STX8: variants seen among roughly 807,000 people sequenced by gnomAD.
STX8 encodes syntaxin-8.
STX8 carries 23 observed loss-of-function variants against 37.5 expected under a neutral mutation model. The ratio of observed to expected loss-of-function variants is 0.61; its 90% CI spans 0.44 to 0.87. The LOEUF (loss-of-function observed/expected upper bound fraction) is 0.87, where lower values mean the gene tolerates loss of function less well. STX8 is among the 40% of genes least tolerant of loss of function. The pLI, the probability that STX8 is intolerant of heterozygous loss-of-function variation, is 0.00. For synonymous variants in STX8, 115 were observed against 99.1 expected (o/e 1.16, Z -0.95); for missense variants, 313 against 284.7 (o/e 1.10, Z -0.71).
chr17:9,500,019 A>G (rs1000028286), intron 5 of STX8, among the ~76,000 whole-genome samples: 10 of 152,224 alleles, frequency 6.6e-5, no homozygotes, highest in Non-Finnish European at 1.2e-4. Context: ...TGCTCCATTC[A>G]GGAAATGTGA....
intron 7 of STX8, among the ~76,000 whole-genome samples, chr17:9,286,217 T>C (rs1283810005): frequency 1.3e-5 from 2 of 152,144 alleles, no homozygotes; most frequent in African/African-American, 2.4e-5. Flanking sequence ...AAATATTCGG[T>C]ATGAAAACGA....
intron 7 of STX8, among the ~76,000 whole-genome samples, chr17:9,262,339 C>T (rs1275433000): frequency 6.6e-6 from 1 of 152,086 alleles, no homozygotes; most frequent in African/African-American, 2.4e-5. Context: ...GTTCTCTTCT[C>T]CAGGGATTTT....
chr17:9,473,434 C>T (rs7211141), intron 6 of STX8, among the ~76,000 whole-genome samples: 106,552 of 151,916 alleles, frequency 0.7, 38,262 homozygotes, highest in Non-Finnish European at 0.77. Flanking sequence ...TCCAGGACCA[C>T]CCCTTCCATA....
In STX8 at chr17:9,250,787, G is replaced by A. The variant is rs986310567; in HGVS notation, c.644-142C>T. 7 of 838,166 alleles carry A rather than the reference G, an allele frequency of 8.4e-6. No individual in the cohort carries two copies. In the East Asian group the frequency reaches 1.8e-4, roughly 21 times the overall value. 51.9% of individuals were successfully genotyped at this position (838,166 alleles called of 1,614,324 possible). On this transcript the variant is annotated intron_variant, in intron 7 of 7. Coordinates refer to ENST00000306357, the MANE Select transcript of STX8 (RefSeq NM_004853.3). The stretch of plus-strand genomic sequence containing the variant: ...TACGAAGTGGAGAGAGGTGGTCGGT[G>A]GCCTGGGGCGCCGCTGCTGCTACAC...
chr17:9,501,628 A>T (rs7503784), intron 5 of STX8, among the ~76,000 whole-genome samples: 108,051 of 151,210 alleles, frequency 0.71, 38,816 homozygotes, highest in Middle Eastern at 0.86. Flanking sequence ...GAGACGGAGG[A>T]TGCAGTAAGC....
In STX8 at chr17:9,250,663, A is replaced by C; in HGVS notation, c.644-18T>G. On this transcript the variant is annotated intron_variant, in intron 7 of 7. Transcript: ENST00000306357. ...GATCATCCCTGGAAAAAAGCAGCAGAAAATACTACTTTTAATGATTCCTAC... is the reference window on the plus strand; with the variant it reads ...GATCATCCCTGGAAAAAAGCAGCAGCAAATACTACTTTTAATGATTCCTAC... 1.3e-6 allele frequency: 2 copies of C among 1,580,772 alleles called. No individual in the cohort carries two copies. The highest frequency in any genetic ancestry group is 1.7e-6 in the Non-Finnish European group (2 of 1,162,086).
At chr17:9,304,978 C>T (rs970929006) in intron 7 of STX8, among the ~76,000 whole-genome samples, 8 of 151,076 alleles carry the variant, frequency 5.3e-5, no homozygotes, top group East Asian at 3.9e-4. Context: ...TTTGGCTTAA[C>T]GACTTTTTCA....
chr17:9,496,792 A>G (rs1470307465), intron 5 of STX8, among the ~76,000 whole-genome samples: 1 of 152,180 alleles, frequency 6.6e-6, no homozygotes, highest in African/African-American at 2.4e-5. Context: ...GGTCAGAGAG[A>G]GATAACTTAC....
intron 6 of STX8, among the ~76,000 whole-genome samples, chr17:9,488,694 C>T (rs971470057): frequency 5.9e-5 from 9 of 152,148 alleles, no homozygotes; most frequent in Non-Finnish European, 1.3e-4. Context: ...TGAATTCTCC[C>T]CTACATCCTC....
At chr17:9,414,647 C>G (rs184696410) in intron 6 of STX8, among the ~76,000 whole-genome samples, 9 of 152,182 alleles carry the variant, frequency 5.9e-5, no homozygotes, top group African/African-American at 2.2e-4. Flanking sequence ...AGGGTGAGAC[C>G]GCTCTACCCA....
At chr17:9,478,590 C>T (rs1267523873) in intron 6 of STX8, among the ~76,000 whole-genome samples, 4 of 152,154 alleles carry the variant, frequency 2.6e-5, no homozygotes, top group Non-Finnish European at 5.9e-5. Context: ...AAAACAAAGT[C>T]CTTCCTAGAA....
At chr17:9,455,146 A>G (rs900077399) in intron 6 of STX8, among the ~76,000 whole-genome samples, 1 of 151,916 alleles carries the variant, frequency 6.6e-6, no homozygotes. Flanking sequence ...AGGTTGCAGT[A>G]AGCCATGATG....
rs9889539 is a variant in STX8, at chr17:9,487,698, G to A, written c.541+4131C>T. On this transcript the variant is annotated intron_variant, in intron 6 of 7. Transcript: ENST00000306357. ...TGTATATGTACACATGTAGCCACCC[G>A]GGTATGAGATGGAGATGAGGACAGG... is the stretch of plus-strand genomic sequence containing the variant. 6.9e-3 allele frequency among the ~76,000 whole-genome samples: 1,050 copies of A among 152,190 alleles called. 15 individuals carry two copies. Among genetic ancestry groups the A allele is most frequent in the African/African-American group, 0.022 (934 of 41,514 alleles).
At chr17:9,256,188 C>T (rs375568615) in intron 7 of STX8, among the ~76,000 whole-genome samples, 21 of 152,204 alleles carry the variant, frequency 1.4e-4, no homozygotes, top group African/African-American at 3.9e-4. Context: ...GGCCCTCTGG[C>T]GGGTAAGAGG....
chr17:9,466,193 G>C (rs920970802), intron 6 of STX8, among the ~76,000 whole-genome samples: 4 of 152,142 alleles, frequency 2.6e-5, no homozygotes, highest in Admixed American at 1.3e-4. Context: ...GGATGGTCTC[G>C]ATCTCCTGAC....
At chr17:9,556,381 TAA>T (rs982330773) in intron 3 of STX8, among the ~76,000 whole-genome samples, 2 of 152,170 alleles carry the variant, frequency 1.3e-5, no homozygotes, top group African/African-American at 2.4e-5. Context: ...CACTTGGGTG[TAA>T]AAAGTTAGTG....
rs149008719 is a variant in STX8 at position 9,534,335 on chromosome 17, GAAAC to G, written c.323+10833_323+10836del. On this transcript the variant is annotated intron_variant, in intron 4 of 7. Transcript: ENST00000306357. ...TGAAAGACCTGAAAAATGCCTTGGA[GAAAC>G]AAACAAACAAACAAACAAACAAACA... Among the ~76,000 whole-genome samples, 1,392 of 151,692 alleles carry G rather than the reference GAAAC, an allele frequency of 9.2e-3. 21 individuals are homozygous for G. Among genetic ancestry groups the G allele is most frequent in the African/African-American group, 0.028 (1,171 of 41,328 alleles).
intron 6 of STX8, among the ~76,000 whole-genome samples, chr17:9,381,309 G>A (rs567407279): frequency 8.0e-5 from 12 of 149,720 alleles, no homozygotes; most frequent in African/African-American, 2.7e-4. Context: ...CTTTGGAGAT[G>A]TGCTGTTCAA....
intron 5 of STX8, among the ~76,000 whole-genome samples, chr17:9,502,874 G>T (rs142970179): frequency 3.9e-5 from 6 of 151,998 alleles, no homozygotes; most frequent in African/African-American, 1.5e-4. Context: ...AGGCCGAGTC[G>T]AGTGGATCGC....
Sources: allele counts gnomAD v4.1 joint callset (sites outside exome capture counted in the v4.1 genomes callset), GRCh38; gene constraint gnomAD v4.1.1; transcripts MANE v1.5; gene names NCBI Gene and HGNC (gene_info 2026-07-23, HGNC 2026-07-21).